Variants in STRN observed in about 807,000 individuals in gnomAD.
STRN encodes the protein protein phosphatase 2 regulatory subunit B'''alpha.
STRN carries 53 observed loss-of-function variants against 96.3 expected under a neutral mutation model. The ratio of observed to expected loss-of-function variants is 0.55; its 90% CI spans 0.44 to 0.69. The LOEUF (loss-of-function observed/expected upper bound fraction) is 0.69, where lower values mean the gene tolerates loss of function less well. STRN is among the 30% of genes least tolerant of loss of function. STRN has a pLI of 0.00. For missense variants in STRN, 987 were observed against 963.9 expected (o/e 1.02, Z -0.32); for synonymous variants, 428 against 355.9 (o/e 1.20, Z -2.28).
chr2:36,923,335 C>T (rs1160214213), intron 2 of STRN, among the ~76,000 whole-genome samples: 1 of 150,886 alleles, frequency 6.6e-6, no homozygotes, highest in East Asian at 1.9e-4. Context: ...CCTGTAGTCC[C>T]AGCAACTCGG....
chr2:36,879,709 C>T (rs937536198), intron 9 of STRN, among the ~76,000 whole-genome samples: 1 of 152,130 alleles, frequency 6.6e-6, no homozygotes, highest in African/African-American at 2.4e-5. Context: ...GTAGTTCAAA[C>T]CCTAGCTGCT....
intron 3 of STRN, among the ~76,000 whole-genome samples, chr2:36,910,893 T>C (rs1019360113): frequency 4.6e-5 from 7 of 152,046 alleles, no homozygotes; most frequent in African/African-American, 1.7e-4. Context: ...CCTGAGATAA[T>C]ACTCTCCTAC....
chr2:36,943,347 T>C (rs1017162807), intron 1 of STRN, among the ~76,000 whole-genome samples: 5 of 151,592 alleles, frequency 3.3e-5, no homozygotes, highest in South Asian at 4.1e-4. Context: ...ACATCTATTT[T>C]GGTTATACAA....
In STRN at chr2:36,841,370, A is replaced by C. The variant is rs568700809; in HGVS notation, c.*8086T>G. The C allele has an allele frequency of 2.0e-5, 3 of 152,290 alleles. No individual in the cohort carries two copies. The South Asian group carries it at 6.2e-4, about 32-fold the overall frequency. The allele number at this position is 152,290 out of a possible 1,614,324, so 9.4% of individuals were successfully genotyped here. A position where few individuals can be genotyped will look rare whatever the true frequency, so the allele number is the denominator to read the frequency against. ...ATTTACCACATAAGAAAGCATTCTT[A>C]CATAGCAGTTGAGTACTGGGAAGGT... On this transcript the variant is annotated 3_prime_UTR_variant, in exon 18 of 18. Transcript: ENST00000263918.
chr2:36,951,360 T>C (rs900974694), intron 1 of STRN, among the ~76,000 whole-genome samples: 2 of 152,232 alleles, frequency 1.3e-5, no homozygotes, highest in African/African-American at 4.8e-5. Context: ...TGATTTGGTA[T>C]GGCCCAGGCA....
At chr2:36,925,233 A>G in intron 1 of STRN, 25 bp from the exon 2 acceptor site, 1 of 1,591,410 alleles carries the variant, frequency 6.3e-7, no homozygotes, top group Non-Finnish European at 8.6e-7. Context: ...GACAGAAAAA[A>G]TTCAGTTTAG....
rs976555400 is a variant in STRN, at chr2:36,842,799, G to C, written c.*6657C>G. Among the ~76,000 whole-genome samples, 1 of 152,084 alleles carries C rather than the reference G, an allele frequency of 6.6e-6. No individual in the cohort carries two copies. The highest frequency in any genetic ancestry group is 1.5e-5 in the Non-Finnish European group (1 of 68,012). Reference sequence around the variant, plus strand: ...TTCAGAAAACGGATTCCAATTTTCAGAGCCGTATGTCAGTGCTTCCTTAGA... The same window carrying C: ...TTCAGAAAACGGATTCCAATTTTCACAGCCGTATGTCAGTGCTTCCTTAGA... On this transcript the variant is annotated 3_prime_UTR_variant, in exon 18 of 18. Transcript: ENST00000263918.
At chr2:36,920,179 G>C (rs567646301) in intron 2 of STRN, among the ~76,000 whole-genome samples, 1 of 152,116 alleles carries the variant, frequency 6.6e-6, no homozygotes, top group Non-Finnish European at 1.5e-5. Context: ...GTATATAAAA[G>C]ACATTAGTTT....
At chr2:36,866,108 T>C (rs1042489621) in intron 12 of STRN, among the ~76,000 whole-genome samples, 1 of 152,084 alleles carries the variant, frequency 6.6e-6, no homozygotes, top group African/African-American at 2.4e-5. Flanking sequence ...TATCGCTCGC[T>C]CTGTTTCCCA....
chr2:36,849,874 G>A, intron 16 of STRN, 74 bp from the exon 17 acceptor site: 1 of 1,408,928 alleles, frequency 7.1e-7, no homozygotes, highest in South Asian at 1.2e-5. Context: ...ACCATGTCCT[G>A]CTGGTTTCTC....
intron 1 of STRN, among the ~76,000 whole-genome samples, chr2:36,928,051 T>C (rs1572681223): frequency 6.6e-6 from 1 of 152,116 alleles, no homozygotes; most frequent in African/African-American, 2.4e-5. Flanking sequence ...AGTAAAAGAC[T>C]ATGAGAATAA....
At chr2:36,936,316 TTC>T (rs1260389002) in intron 1 of STRN, among the ~76,000 whole-genome samples, 1 of 152,166 alleles carries the variant, frequency 6.6e-6, no homozygotes, top group East Asian at 1.9e-4. Context: ...TCAGATTGGA[TTC>T]TGTTTTGGTT....
At chr2:36,875,619 C>T (rs1446888342) in intron 10 of STRN, among the ~76,000 whole-genome samples, 3 of 141,682 alleles carry the variant, frequency 2.1e-5, no homozygotes, top group African/African-American at 7.8e-5. Flanking sequence ...AAAAGACAAA[C>T]ATGAAATATA....
chr2:36,869,763 CTTAG>C (rs1558629830), intron 10 of STRN, 34 bp from the exon 11 acceptor site: 1 of 1,510,122 alleles, frequency 6.6e-7, no homozygotes, highest in African/African-American at 1.4e-5. Flanking sequence ...TATCTACACA[CTTAG>C]TTAAGGATAG....
At chr2:36,899,484 C>G (rs530302141) in intron 6 of STRN, 39 bp downstream of exon 6, 3 of 1,575,594 alleles carry the variant, frequency 1.9e-6, no homozygotes, top group Non-Finnish European at 2.6e-6. Flanking sequence ...GTATTATAGT[C>G]CCTAAAAATA....
intron 15 of STRN, among the ~76,000 whole-genome samples, chr2:36,854,554 C>T (rs1178864612): frequency 6.6e-6 from 1 of 152,206 alleles, no homozygotes. Flanking sequence ...CATGTTCACA[C>T]ATGCATGTGC....
chr2:36,927,026 A>T lies in STRN; in HGVS notation c.235-1818T>A, dbSNP rs140986254. ...CTTTAATAAAAATAATAAGCTAATC[A>T]ATGCAATCAAACTTTGAAGGTAATA... is the stretch of plus-strand genomic sequence containing the variant. On this transcript the variant is annotated intron_variant, in intron 1 of 17. Coordinates refer to ENST00000263918, the MANE Select transcript of STRN (RefSeq NM_003162.4). 8.7e-3 allele frequency among the ~76,000 whole-genome samples: 1,324 copies of T among 152,306 alleles called. 12 individuals carry two copies. Among genetic ancestry groups the T allele is most frequent in the African/African-American group, 0.03 (1,252 of 41,574 alleles).
At chr2:36,957,658 A>G (rs1664921544) in intron 1 of STRN, among the ~76,000 whole-genome samples, 1 of 149,756 alleles carries the variant, frequency 6.7e-6, no homozygotes, top group Admixed American at 6.6e-5. Flanking sequence ...GAAATGTAAA[A>G]AACAAAAAAC....
chr2:36,936,060 G>A (rs966225174), intron 1 of STRN, among the ~76,000 whole-genome samples: 1 of 151,898 alleles, frequency 6.6e-6, no homozygotes, highest in Non-Finnish European at 1.5e-5. Context: ...AAAGCAGATA[G>A]GAAATATCAT....
Sources: allele counts gnomAD v4.1 joint callset (sites outside exome capture counted in the v4.1 genomes callset), GRCh38; gene constraint gnomAD v4.1.1; transcripts MANE v1.5; gene names NCBI Gene and HGNC (gene_info 2026-07-23, HGNC 2026-07-21).